Variants in FAT3 observed in about 807,000 individuals in gnomAD.
FAT3 encodes FAT atypical cadherin 3.
In FAT3, 95 loss-of-function variants were observed where a neutral mutation model predicts 310.2. The observed-to-expected ratio is 0.31, with a 90% CI of 0.26 to 0.36. The LOEUF is 0.36. Ranked by LOEUF, FAT3 falls within the 10% of genes least tolerant of loss-of-function variation. The probability of loss-of-function intolerance (pLI) is 1.00; values close to 1 mark genes in which losing one functional copy is unlikely to be tolerated. For synonymous variants in FAT3, 2,314 were observed against 2,192.9 expected (o/e 1.06, Z -1.54); for missense variants, 5,408 against 5,715.6 (o/e 0.95, Z 1.74).
chr11:92,412,736 T>C (rs370495950), intron 2 of FAT3, among the ~76,000 whole-genome samples: 5 of 14,958 alleles, frequency 3.3e-4, no homozygotes, highest in East Asian at 4.8e-3. Context: ...TATATATATA[T>C]ATATATATAA....
At chr11:92,239,552 T>C (rs568920160) in intron 1 of FAT3, among the ~76,000 whole-genome samples, 8 of 152,248 alleles carry the variant, frequency 5.3e-5, no homozygotes, top group African/African-American at 1.9e-4. Context: ...TATTGCCCCC[T>C]GCCTGAGTAA....
intron 2 of FAT3, among the ~76,000 whole-genome samples, chr11:92,503,964 T>C (rs1372378840): frequency 6.6e-6 from 1 of 152,130 alleles, no homozygotes; most frequent in Non-Finnish European, 1.5e-5. Context: ...GAGAGGCACA[T>C]TTTATGAATC....
chr11:92,562,315 TTCTC>T (rs146470885), intron 3 of FAT3, among the ~76,000 whole-genome samples: 1,656 of 152,296 alleles, frequency 0.011, 32 homozygotes, highest in East Asian at 0.093. Context: ...CTATCCTATC[TTCTC>T]TCTCTCTTTC....
intron 2 of FAT3, among the ~76,000 whole-genome samples, chr11:92,434,192 G>C (rs183926156): frequency 6.6e-6 from 1 of 152,102 alleles, no homozygotes; most frequent in Non-Finnish European, 1.5e-5. Flanking sequence ...AAGTAAGGTA[G>C]TAGTGAAATG....
At chr11:92,378,368 T>C (rs982887566) in intron 2 of FAT3, among the ~76,000 whole-genome samples, 1 of 152,220 alleles carries the variant, frequency 6.6e-6, no homozygotes, top group Non-Finnish European at 1.5e-5. Flanking sequence ...GAGATAGTTA[T>C]AATCTTTCTT....
intron 2 of FAT3, among the ~76,000 whole-genome samples, chr11:92,433,626 C>T (rs527839466): frequency 2.6e-5 from 4 of 152,230 alleles, no homozygotes; most frequent in East Asian, 3.9e-4. Flanking sequence ...AGAAATCACC[C>T]GCTTTATGCA....
At chr11:92,565,576 A>C (rs1020921301) in intron 3 of FAT3, among the ~76,000 whole-genome samples, 9 of 151,684 alleles carry the variant, frequency 5.9e-5, no homozygotes, top group South Asian at 2.1e-4. Flanking sequence ...TGGGCAGAGA[A>C]ACAACCAAAA....
intron 1 of FAT3, chr11:92,336,477 C>T (rs913630933): frequency 3.5e-6 from 1 of 287,666 alleles, no homozygotes; most frequent in African/African-American, 2.2e-5. Context: ...AGCGCTCAAA[C>T]TTAACAGCCC....
chr11:92,819,205 A>G (rs1324314025), intron 13 of FAT3, among the ~76,000 whole-genome samples: 1 of 152,196 alleles, frequency 6.6e-6, no homozygotes, highest in Admixed American at 6.5e-5. Context: ...CAGACATTCA[A>G]TTAATAGTGA....
rs376837097 is a variant in FAT3 at position 92,866,811 on chromosome 11, G to A, written c.11729G>A (p.Arg3910His). ...SGPGILGISG[R>H]AVNDGSWHSV... ...CCTGGAATCTTGGGCATCTCGGGCC[G>A]TGCTGTCAACGACGGGAGCTGGCAC... The change falls in exon 22 of 28, where the codon CGT (arginine) becomes CAT (histidine). Residue 3910 changes from arginine to histidine, a missense_variant. Transcript: ENST00000525166. The A allele has an allele frequency of 3.1e-6, 5 of 1,613,930 alleles. No homozygotes were observed. The highest frequency in any genetic ancestry group is 1.7e-5 in the Admixed American group (1 of 60,024).
chr11:92,371,240 G>A (rs1441459082), intron 2 of FAT3, among the ~76,000 whole-genome samples: 1 of 152,178 alleles, frequency 6.6e-6, no homozygotes, highest in Non-Finnish European at 1.5e-5. Flanking sequence ...TATGGGGTAT[G>A]TACTCTGATT....
At chr11:92,270,450 G>A (rs182923238) in intron 1 of FAT3, among the ~76,000 whole-genome samples, 5 of 151,924 alleles carry the variant, frequency 3.3e-5, no homozygotes, top group African/African-American at 4.8e-5. Context: ...AGGCAGAGGC[G>A]GGTGTATCAC....
At chr11:92,676,801 T>TA (rs1943302249) in intron 3 of FAT3, among the ~76,000 whole-genome samples, 1 of 152,192 alleles carries the variant, frequency 6.6e-6, no homozygotes, top group Admixed American at 6.5e-5. Context: ...TAGCTGAAAA[T>TA]ACTTTCTATT....
intron 2 of FAT3, among the ~76,000 whole-genome samples, chr11:92,433,682 A>G (rs1950855067): frequency 6.6e-6 from 1 of 152,074 alleles, no homozygotes; most frequent in African/African-American, 2.4e-5. Flanking sequence ...TTATTCGGCC[A>G]TCTTGCCCAG....
rs1344669455 is a variant in FAT3 at position 92,774,067 on chromosome 11, G to T, written c.4222G>T (p.Ala1408Ser). 1 of 1,613,288 alleles carries T rather than the reference G, an allele frequency of 6.2e-7. No homozygotes were observed. The highest frequency in any genetic ancestry group is 1.1e-5 in the South Asian group (1 of 90,900). ...GGGGAATTTTGACAGCGCTTTTGATGCAGAGAAGGGTGTTGGGACAATTGT... is the reference window on the plus strand; with the variant it reads ...GGGGAATTTTGACAGCGCTTTTGATTCAGAGAAGGGTGTTGGGACAATTGT... ...VGGNFDSAFD[A>S]EKGVGTIVIA... The change falls in exon 7 of 28, where the codon GCA becomes TCA. Residue 1408 changes from alanine to serine, a missense_variant. By Grantham distance (99) the Ala-to-Ser change is moderately conservative. Coordinates refer to ENST00000525166, the MANE Select transcript of FAT3 (RefSeq NM_001367949.2).
intron 2 of FAT3, among the ~76,000 whole-genome samples, chr11:92,430,253 G>C (rs1354624551): frequency 1.3e-5 from 2 of 152,098 alleles, no homozygotes. Context: ...TCTCTAGACT[G>C]GTTATTCCAG....
chr11:92,577,713 C>A (rs1159323143), intron 3 of FAT3, among the ~76,000 whole-genome samples: 3 of 152,068 alleles, frequency 2.0e-5, no homozygotes, highest in Admixed American at 6.6e-5. Flanking sequence ...AGTGAGATTC[C>A]TGCAGGCCAG....
chr11:92,486,561 A>T (rs867674436), intron 2 of FAT3, among the ~76,000 whole-genome samples: 1 of 152,248 alleles, frequency 6.6e-6, no homozygotes, highest in South Asian at 2.1e-4. Flanking sequence ...GTGCAATTTT[A>T]AAAAATCCCA....
At chr11:92,620,317 C>T (rs187964411) in intron 3 of FAT3, among the ~76,000 whole-genome samples, 51 of 152,204 alleles carry the variant, frequency 3.4e-4, no homozygotes, top group Admixed American at 2.4e-3. Flanking sequence ...GAGAAAAATA[C>T]GTGCTCTGTT....
Sources: gnomAD v4.1 joint callset for allele counts (sites outside exome capture counted in the v4.1 genomes callset) on GRCh38, gnomAD v4.1.1 for gene constraint, MANE v1.5 for transcripts, NCBI Gene and HGNC (gene_info 2026-07-23, HGNC 2026-07-21) for gene names.